NALCN: variants seen among roughly 807,000 people sequenced by gnomAD.
NALCN encodes sodium leak channel, non-selective, also known as sodium leak channel NALCN.
In NALCN, 111 loss-of-function variants were observed where a neutral mutation model predicts 225.3. The ratio of observed to expected loss-of-function variants is 0.49; its 90% CI spans 0.42 to 0.58. NALCN has a LOEUF of 0.58. Ranked by LOEUF, NALCN falls within the 20% of genes least tolerant of loss-of-function variation. NALCN has a pLI of 0.00. For missense variants in NALCN, 1,378 were observed against 2,202.4 expected (o/e 0.63, Z 7.49); for synonymous variants, 764 against 769.0 (o/e 0.99, Z 0.11).
At chr13:101,360,289 G>T (rs2046216245) in intron 6 of NALCN, among the ~76,000 whole-genome samples, 1 of 147,956 alleles carries the variant, frequency 6.8e-6, no homozygotes. Context: ...AGAATGCAGT[G>T]GCATGATCTC....
rs149578722 is a variant in NALCN at position 101,256,575 on chromosome 13, C to T, written c.1266+1868G>A. On this transcript the variant is annotated intron_variant, in intron 11 of 43. Transcript: ENST00000251127. ...GTATTGTTAATTTTTTGCCTAACCCCAGGCACCTCTTCCCTCTCCCCTTTC... is the reference window on the plus strand; with the variant it reads ...GTATTGTTAATTTTTTGCCTAACCCTAGGCACCTCTTCCCTCTCCCCTTTC... Among the ~76,000 whole-genome samples, 74 of 152,212 alleles carry T rather than the reference C, an allele frequency of 4.9e-4. 2 individuals carry two copies. The highest frequency in any genetic ancestry group is 1.7e-3 in the African/African-American group (71 of 41,540).
At chr13:101,197,009 A>T (rs1378353024) in intron 13 of NALCN, among the ~76,000 whole-genome samples, 1 of 152,114 alleles carries the variant, frequency 6.6e-6, no homozygotes, top group African/African-American at 2.4e-5. Context: ...CATTTTCAGA[A>T]GGTATGACAT....
Position 101,106,149 on chromosome 13 carries a change from C to T in NALCN, c.2580-1199G>A, listed in dbSNP as rs117608423. Among the ~76,000 whole-genome samples the T allele has an allele frequency of 7.8e-4, 119 of 152,260 alleles. 2 individuals are homozygous for T. The East Asian group carries it at 0.011, about 14-fold the overall frequency. ...CTTGTGGAGAGCCGTCTTCTCCCTA[C>T]GTGTCTTCGCAAGGTCTTCTCTCTG... On this transcript the variant is annotated intron_variant, in intron 22 of 43. Coordinates refer to ENST00000251127, the MANE Select transcript of NALCN (RefSeq NM_052867.4).
At chr13:101,403,058 A>G (rs893195963) in intron 1 of NALCN, among the ~76,000 whole-genome samples, 4 of 150,858 alleles carry the variant, frequency 2.7e-5, no homozygotes, top group Non-Finnish European at 5.9e-5. Flanking sequence ...CCTCTTTTAT[A>G]TAAAAAAAAA....
At chr13:101,330,559 G>A (rs1415996295) in intron 7 of NALCN, among the ~76,000 whole-genome samples, 3 of 152,210 alleles carry the variant, frequency 2.0e-5, no homozygotes, top group Admixed American at 2.0e-4. Context: ...AGTCTCCTCA[G>A]AGAAATCAGA....
intron 6 of NALCN, among the ~76,000 whole-genome samples, chr13:101,348,040 C>G (rs2045795895): frequency 6.6e-6 from 1 of 152,088 alleles, no homozygotes; most frequent in Non-Finnish European, 1.5e-5. Flanking sequence ...CTCTTGAAGG[C>G]AAGGTGAAGT....
At chr13:101,068,060 T>C in intron 38 of NALCN, 27 bp from the exon 39 acceptor site, 1 of 1,335,362 alleles carries the variant, frequency 7.5e-7, no homozygotes, top group East Asian at 2.3e-5. Context: ...AATTCAGAAG[T>C]TAGACCATTA....
At chr13:101,406,010 G>A (rs73566032) in intron 1 of NALCN, among the ~76,000 whole-genome samples, 3,406 of 152,094 alleles carry the variant, frequency 0.022, 111 homozygotes, top group East Asian at 0.11. Flanking sequence ...GTGCCAGTCT[G>A]TTTAATAATA....
chr13:101,126,866 G>T (rs141611552), intron 17 of NALCN, among the ~76,000 whole-genome samples: 76 of 152,254 alleles, frequency 5.0e-4, no homozygotes, highest in African/African-American at 1.8e-3. Flanking sequence ...GCTTGGAGCC[G>T]CTTTTGGAGA....
At chr13:101,248,036 C>G (rs1050546150) in intron 11 of NALCN, among the ~76,000 whole-genome samples, 1 of 152,068 alleles carries the variant, frequency 6.6e-6, no homozygotes, top group East Asian at 1.9e-4. Flanking sequence ...ATAGTGTATA[C>G]GTACCACATT....
chr13:101,222,393 C>G (rs2040974942), intron 13 of NALCN, among the ~76,000 whole-genome samples: 1 of 152,130 alleles, frequency 6.6e-6, no homozygotes, highest in Non-Finnish European at 1.5e-5. Context: ...CCACCTAATC[C>G]CGCCTCTCTT....
intron 17 of NALCN, among the ~76,000 whole-genome samples, chr13:101,138,947 A>G (rs2036933493): frequency 6.6e-6 from 1 of 152,150 alleles, no homozygotes; most frequent in South Asian, 2.1e-4. Flanking sequence ...ACCTCTCACA[A>G]TTGCTCACAG....
At chr13:101,203,819 G>C (rs1188951284) in intron 13 of NALCN, among the ~76,000 whole-genome samples, 1 of 152,046 alleles carries the variant, frequency 6.6e-6, no homozygotes, top group East Asian at 1.9e-4. Flanking sequence ...TTCCAAGCCA[G>C]ATCTTACCTA....
chr13:101,361,775 G>T (rs1357585360), intron 6 of NALCN, among the ~76,000 whole-genome samples: 1 of 152,076 alleles, frequency 6.6e-6, no homozygotes, highest in African/African-American at 2.4e-5. Flanking sequence ...CTAAAAATAA[G>T]AATCTTATAA....
chr13:101,368,277 G>C (rs540086663), intron 6 of NALCN, among the ~76,000 whole-genome samples: 1 of 151,190 alleles, frequency 6.6e-6, no homozygotes, highest in East Asian at 2.0e-4. Context: ...TCTTGCGATA[G>C]TTTACTGAGA....
At chr13:101,060,275 G>GTTTTTTTCTTTTTTTTT (rs2031763015) in intron 41 of NALCN, among the ~76,000 whole-genome samples, 1 of 79,854 alleles carries the variant, frequency 1.3e-5, no homozygotes, top group African/African-American at 5.1e-5. Context: ...GGTGTTTTCT[G>GTTTTTTTCTTTTTTTTT]TTTTTTTTTT....
At chr13:101,259,730 G>GTGTATATATATA (rs2042355253) in intron 10 of NALCN, among the ~76,000 whole-genome samples, 1 of 30,384 alleles carries the variant, frequency 3.3e-5, no homozygotes, top group Non-Finnish European at 1.7e-4. Flanking sequence ...TACATAGTAA[G>GTGTATATATATA]TGTATATATA....
intron 9 of NALCN, among the ~76,000 whole-genome samples, chr13:101,286,853 TC>T (rs1238014895): frequency 7.0e-6 from 1 of 142,370 alleles, no homozygotes; most frequent in Non-Finnish European, 1.5e-5. Flanking sequence ...CAGTTAACAT[TC>T]CAGGTATTAT....
At chr13:101,332,337 G>A (rs573770111) in intron 7 of NALCN, among the ~76,000 whole-genome samples, 1 of 125,806 alleles carries the variant, frequency 7.9e-6, no homozygotes, top group East Asian at 2.2e-4. Flanking sequence ...AAAGACAAAG[G>A]GTAAATCTTA....
Sources: allele counts gnomAD v4.1 joint callset (sites outside exome capture counted in the v4.1 genomes callset), GRCh38; gene constraint gnomAD v4.1.1; transcripts MANE v1.5; gene names NCBI Gene and HGNC (gene_info 2026-07-23, HGNC 2026-07-21).